The following INPP4A variants were observed in gnomAD, a reference collection of about 807,000 sequenced individuals.
INPP4A encodes the protein inositol polyphosphate-4-phosphatase type I A, also known as inositol polyphosphate-4-phosphatase, type I, 107kD.
Under a neutral mutation model 119.8 loss-of-function variants are expected in INPP4A, and 33 were observed. The ratio of observed to expected loss-of-function variants is 0.28; its 90% CI spans 0.21 to 0.37. INPP4A has a LOEUF of 0.37. INPP4A is among the 10% of genes least tolerant of loss of function. The pLI, the probability that INPP4A is intolerant of heterozygous loss-of-function variation, is 1.00. For synonymous variants in INPP4A, 496 were observed against 500.7 expected (o/e 0.99, Z 0.12); for missense variants, 956 against 1,289.9 (o/e 0.74, Z 3.97).
chr2:98,559,150 G>T (rs1695012113), intron 16 of INPP4A, among the ~76,000 whole-genome samples: 1 of 152,208 alleles, frequency 6.6e-6, no homozygotes, highest in African/African-American at 2.4e-5. Context: ...TTTTTCTGTG[G>T]CATTTATCAC....
intron 7 of INPP4A, 22 bp downstream of exon 7, chr2:98,536,230 C>T: frequency 1.4e-6 from 2 of 1,448,444 alleles, no homozygotes; most frequent in South Asian, 1.2e-5. Context: ...GTTTTATTCC[C>T]TTGAAAGGAT....
rs771565435 is a variant in INPP4A, at chr2:98,566,187, G to A, written c.2420+18G>A. On this transcript the variant is annotated intron_variant, in intron 21 of 24. Transcript: ENST00000409851. The surrounding 1 kb of genome is among the most constrained non-coding windows in gnomAD (Gnocchi z 4.2). ...GCCGAGAGGTGCGTGCCGGCTCCTC[G>A]GGGCTGCGGGGGTGTGGTGGCCCTG... 1.0e-5 allele frequency: 16 copies of A among 1,558,142 alleles called. No individual in the cohort carries two copies. Among genetic ancestry groups the A allele is most frequent in the African/African-American group, 2.7e-5 (2 of 73,056 alleles).
intron 4 of INPP4A, among the ~76,000 whole-genome samples, chr2:98,530,357 G>A (rs147005645): frequency 2.2e-3 from 334 of 152,224 alleles, no homozygotes; most frequent in African/African-American, 7.9e-3. Flanking sequence ...TAGACACTAA[G>A]TGTCTAAAGA....
chr2:98,479,051 G>T (rs1677854934), intron 1 of INPP4A, among the ~76,000 whole-genome samples: 1 of 152,142 alleles, frequency 6.6e-6, no homozygotes, highest in Non-Finnish European at 1.5e-5. Flanking sequence ...CATAGGTCGG[G>T]CACTTCCTCC....
Position 98,577,147 on chromosome 2 carries a change from A to G in INPP4A, c.2786+4A>G. The G allele has an allele frequency of 1.2e-6, 2 of 1,600,862 alleles. No individual in the cohort carries two copies. Among genetic ancestry groups the G allele is most frequent in the Non-Finnish European group, 1.7e-6 (2 of 1,172,398 alleles). On this transcript the variant is annotated splice_donor_region_variant and intron_variant, in intron 24 of 24. Coordinates refer to ENST00000409851, the MANE Select transcript of INPP4A (RefSeq NM_001134225.2). ...AGGCCCTGGAGTGCATGCGCAGGTG[A>G]GTGCCGCAGCCAGGCCGCGCGCCCC... is the stretch of plus-strand genomic sequence containing the variant.
intron 24 of INPP4A, among the ~76,000 whole-genome samples, chr2:98,579,927 C>T (rs1461074886): frequency 6.6e-6 from 1 of 152,278 alleles, no homozygotes; most frequent in Admixed American, 6.5e-5. Flanking sequence ...CTCGCACCAG[C>T]TCTGGGGACA....
intron 11 of INPP4A, among the ~76,000 whole-genome samples, chr2:98,545,388 A>G (rs553659395): frequency 3.9e-5 from 6 of 152,302 alleles, no homozygotes; most frequent in East Asian, 3.9e-4. Flanking sequence ...TTAACCAACC[A>G]GGCGTAAACA....
At chr2:98,552,670 A>T (rs1693746795) in intron 13 of INPP4A, 116 bp from the exon 14 acceptor site, 1 of 849,608 alleles carries the variant, frequency 1.2e-6, no homozygotes, top group Admixed American at 1.8e-5. Flanking sequence ...TTGAGAGAAC[A>T]TCCCTGAGTC....
intron 4 of INPP4A, among the ~76,000 whole-genome samples, chr2:98,529,010 C>T (rs1688685163): frequency 6.7e-6 from 1 of 148,664 alleles, no homozygotes; most frequent in African/African-American, 2.5e-5. Flanking sequence ...ACCCGGGAGG[C>T]GGAGCTTGCT....
At position 98,552,796 on chromosome 2, in the gene INPP4A, G is replaced by C; in HGVS notation, c.1174G>C (p.Gly392Arg). The C allele has an allele frequency of 1.2e-6, 2 of 1,612,132 alleles. No homozygotes were observed. Among genetic ancestry groups the C allele is most frequent in the Non-Finnish European group, 1.7e-6 (2 of 1,178,280 alleles). Residue 392 changes from glycine (G) to arginine (R), a missense_variant, in exon 14 of 25, where the codon GGC becomes CGC. Physicochemically the swap from Gly to Arg is moderately radical, Grantham distance 125 (BLOSUM62 -2). This residue lies in a region of INPP4A where 652 missense variants were observed against 797.9 expected (regional missense o/e 0.82). Coordinates refer to ENST00000409851, the MANE Select transcript of INPP4A (RefSeq NM_001134225.2). The part of the protein sequence containing the change: ...FEETKKHTSS[G>R]CQSIIYIPQD... ...TCTTATCCTTTCCAGTACATCATCT[G>C]GCTGCCAGTCCATAATCTACATACC...
chr2:98,541,241 G>A (rs1574993416), intron 10 of INPP4A, among the ~76,000 whole-genome samples: 1 of 151,876 alleles, frequency 6.6e-6, no homozygotes, highest in African/African-American at 2.4e-5. Context: ...GCAGGAGAAT[G>A]GCGTGAACCC....
chr2:98,460,893 G>A (rs1697025676), intron 1 of INPP4A, among the ~76,000 whole-genome samples: 1 of 152,218 alleles, frequency 6.6e-6, no homozygotes, highest in Non-Finnish European at 1.5e-5. Flanking sequence ...GTGAAACACT[G>A]TGCTGAAACA....
At chr2:98,574,531 G>A (rs1224045213) in intron 23 of INPP4A, among the ~76,000 whole-genome samples, 8 of 151,870 alleles carry the variant, frequency 5.3e-5, no homozygotes, top group Admixed American at 3.3e-4. Flanking sequence ...CCAGCTACTC[G>A]GGCGGCTGAG....
chr2:98,519,817 C>T (rs147481738), intron 2 of INPP4A, 129 bp from the exon 3 acceptor site: 314 of 529,426 alleles, frequency 5.9e-4, no homozygotes, highest in African/African-American at 5.2e-3. Context: ...CAGTCCACCC[C>T]GGTTCCTCAC....
intron 1 of INPP4A, among the ~76,000 whole-genome samples, chr2:98,516,059 C>T (rs923975662): frequency 7.2e-5 from 11 of 152,318 alleles, no homozygotes; most frequent in Admixed American, 7.2e-4. Flanking sequence ...CCCACACATT[C>T]TGTCTCCTCT....
intron 4 of INPP4A, among the ~76,000 whole-genome samples, chr2:98,527,548 C>T (rs1688407756): frequency 1.3e-5 from 2 of 152,338 alleles, no homozygotes; most frequent in South Asian, 4.1e-4. Context: ...CAGTGAAGGG[C>T]TGTGCACATG....
intron 1 of INPP4A, among the ~76,000 whole-genome samples, chr2:98,500,036 A>C (rs1001550220): frequency 2.6e-5 from 4 of 152,224 alleles, no homozygotes; most frequent in South Asian, 2.1e-4. Context: ...CAGTGGTCAC[A>C]ACCTCAGGCC....
chr2:98,570,213 TGTG>T lies in INPP4A; in HGVS notation c.2518+1547_2518+1549del, dbSNP rs928988663. Among the ~76,000 whole-genome samples, 1 of 152,094 alleles carries T rather than the reference TGTG, an allele frequency of 6.6e-6. No homozygotes were observed. The highest frequency in any genetic ancestry group is 6.5e-5 in the Admixed American group (1 of 15,278). ...GAGCTGATGACATGGGCAAATGACT[TGTG>T]GGGAGTGCAGATGTGGAGCCACAGA... On this transcript the variant is annotated intron_variant, in intron 22 of 24. Coordinates refer to ENST00000409851, the MANE Select transcript of INPP4A (RefSeq NM_001134225.2). The surrounding 1 kb of genome is among the most constrained non-coding windows in gnomAD (Gnocchi z 4.3).
chr2:98,459,907 C>T (rs765457200), intron 1 of INPP4A, among the ~76,000 whole-genome samples: 2 of 152,256 alleles, frequency 1.3e-5, no homozygotes, highest in Non-Finnish European at 2.9e-5. Flanking sequence ...CCAGAATCCA[C>T]TGCACAGCTG....
Sources: allele counts gnomAD v4.1 joint callset (sites outside exome capture counted in the v4.1 genomes callset), GRCh38; gene constraint gnomAD v4.1.1; regional missense constraint gnomAD v4.1.1; non-coding constraint Gnocchi (gnomAD v3.1); transcripts MANE v1.5; gene names NCBI Gene and HGNC (gene_info 2026-07-23, HGNC 2026-07-21).